FBXO33: variants seen among roughly 807,000 people sequenced by gnomAD.
FBXO33 encodes the protein F-box protein 33.
A neutral mutation model predicts 46.3 loss-of-function variants in FBXO33; 22 were observed. The ratio of observed to expected loss-of-function variants is 0.48; its 90% CI spans 0.34 to 0.68. The LOEUF is 0.68. FBXO33 is among the 30% of genes least tolerant of loss of function. The probability of loss-of-function intolerance (pLI) is 0.01; values close to 1 mark genes in which losing one functional copy is unlikely to be tolerated. For synonymous variants in FBXO33, 337 were observed against 291.3 expected (o/e 1.16, Z -1.60); for missense variants, 692 against 708.8 (o/e 0.98, Z 0.27).
intron 1 of FBXO33, among the ~76,000 whole-genome samples, chr14:39,421,676 G>A (rs1202465252): frequency 6.6e-6 from 1 of 152,008 alleles, no homozygotes; most frequent in East Asian, 1.9e-4. Context: ...GATATGAACA[G>A]AACACTGCTG....
intron 1 of FBXO33, among the ~76,000 whole-genome samples, chr14:39,411,743 G>A (rs1013567321): frequency 4.0e-5 from 6 of 151,716 alleles, no homozygotes; most frequent in African/African-American, 1.2e-4. Context: ...GGATGGTCTC[G>A]ATCTCTTGAC....
chr14:39,402,614 C>T, intron 1 of FBXO33, 103 bp from the exon 2 acceptor site: 1 of 403,234 alleles, frequency 2.5e-6, no homozygotes, highest in Non-Finnish European at 3.9e-6. Flanking sequence ...AGGAAGGTTT[C>T]TATTTTATAA....
At chr14:39,410,023 TTTTC>T (rs1325036481) in intron 1 of FBXO33, among the ~76,000 whole-genome samples, 3 of 152,170 alleles carry the variant, frequency 2.0e-5, no homozygotes, top group African/African-American at 7.2e-5. Context: ...ATGCTTTTAT[TTTTC>T]TTCCCTAATT....
intron 1 of FBXO33, among the ~76,000 whole-genome samples, chr14:39,402,962 T>C (rs17109203): frequency 0.057 from 8,623 of 152,250 alleles, 813 homozygotes; most frequent in African/African-American, 0.2. Context: ...GTATAAAGAT[T>C]GGTTCAGGAA....
intron 1 of FBXO33, among the ~76,000 whole-genome samples, chr14:39,430,099 CATT>C (rs1282161119): frequency 6.6e-6 from 1 of 152,218 alleles, no homozygotes; most frequent in African/African-American, 2.4e-5. Flanking sequence ...ACCTTGGTCT[CATT>C]AGTAAGTGCT....
At chr14:39,417,524 A>C (rs1459401295) in intron 1 of FBXO33, among the ~76,000 whole-genome samples, 2 of 149,018 alleles carry the variant, frequency 1.3e-5, no homozygotes, top group Non-Finnish European at 3.0e-5. Flanking sequence ...GTATTTTAGT[A>C]CAAGTATTGT....
At chr14:39,412,470 A>G (rs1305212790) in intron 1 of FBXO33, among the ~76,000 whole-genome samples, 1 of 152,198 alleles carries the variant, frequency 6.6e-6, no homozygotes, top group East Asian at 1.9e-4. Context: ...CAGGCAGCAC[A>G]TGGTTGGATC....
chr14:39,428,748 TGAC>T (rs1181126282), intron 1 of FBXO33, among the ~76,000 whole-genome samples: 1 of 152,194 alleles, frequency 6.6e-6, no homozygotes, highest in Non-Finnish European at 1.5e-5. Flanking sequence ...GTACCCAACC[TGAC>T]AACTGGATTA....
chr14:39,399,853 T>C, intron 3 of FBXO33, 66 bp from the exon 4 acceptor site: 1 of 1,440,282 alleles, frequency 6.9e-7, no homozygotes, highest in Non-Finnish European at 9.2e-7. Flanking sequence ...GGTAAGTCTG[T>C]CTTTTCCTCA....
intron 1 of FBXO33, among the ~76,000 whole-genome samples, chr14:39,406,103 TTATTC>T (rs2075396563): frequency 6.6e-6 from 1 of 151,982 alleles, no homozygotes; most frequent in Non-Finnish European, 1.5e-5. Flanking sequence ...TATCCTTTCT[TTATTC>T]TAAAGTTGCT....
chr14:39,413,262 AAAACC>A (rs2075431909), intron 1 of FBXO33, among the ~76,000 whole-genome samples: 1 of 152,250 alleles, frequency 6.6e-6, no homozygotes, highest in African/African-American at 2.4e-5. Flanking sequence ...TCTAATCTCA[AAAACC>A]ACTTTGTTCA....
At chr14:39,404,921 G>A (rs1292217615) in intron 1 of FBXO33, among the ~76,000 whole-genome samples, 1 of 151,908 alleles carries the variant, frequency 6.6e-6, no homozygotes, top group African/African-American at 2.4e-5. Flanking sequence ...GGCTGAGGTG[G>A]GTGGATCACG....
Position 39,401,879 on chromosome 14 carries a change from G to A in FBXO33, c.711-18C>T, listed in dbSNP as rs1334730422. ...GCTGAATTCTATAAGGAAAACACAT[G>A]CCACAGTGATCCCATTAACATTTAG... On this transcript the variant is annotated intron_variant, in intron 2 of 3. Coordinates refer to ENST00000298097, the MANE Select transcript of FBXO33 (RefSeq NM_203301.4). 1 of 1,570,992 alleles carries A rather than the reference G, an allele frequency of 6.4e-7. No homozygotes were observed. Among genetic ancestry groups the A allele is most frequent in the African/African-American group, 1.4e-5 (1 of 73,512 alleles).
intron 1 of FBXO33, among the ~76,000 whole-genome samples, chr14:39,403,393 C>T (rs142656743): frequency 7.2e-5 from 11 of 152,158 alleles, no homozygotes; most frequent in East Asian, 1.9e-4. Context: ...GTCGGGAGTT[C>T]GAGACCAGCC....
intron 1 of FBXO33, among the ~76,000 whole-genome samples, chr14:39,414,658 A>C (rs1425685623): frequency 6.6e-6 from 1 of 151,770 alleles, no homozygotes. Context: ...AATAAGCCTA[A>C]TTTTTTCTTT....
Position 39,399,792 on chromosome 14 carries a change from A to AAAAT in FBXO33, c.1397-9_1397-6dup, listed in dbSNP as rs2075360401. The AAAAT allele has an allele frequency of 9.1e-6, 14 of 1,540,696 alleles. No homozygotes were observed. Among genetic ancestry groups the AAAAT allele is most frequent in the East Asian group, 2.3e-5 (1 of 43,956 alleles). Reference sequence around the variant, plus strand: ...TGTGTGCCCACACCGTGTAACCTGAAAAATAAACAAAAGACAACACTGTAA... The same window carrying AAAAT: ...TGTGTGCCCACACCGTGTAACCTGAAAAATAAATAAACAAAAGACAACACTGTAA... On this transcript the variant is annotated splice_polypyrimidine_tract_variant and splice_region_variant and intron_variant, in intron 3 of 3. Coordinates refer to ENST00000298097, the MANE Select transcript of FBXO33 (RefSeq NM_203301.4).
intron 1 of FBXO33, among the ~76,000 whole-genome samples, chr14:39,406,280 TACTC>T (rs1214326903): frequency 3.9e-5 from 6 of 152,204 alleles, no homozygotes; most frequent in Non-Finnish European, 5.9e-5. Flanking sequence ...TTTCTAATAA[TACTC>T]AGAGGGGACA....
chr14:39,423,679 A>ATC (rs1439104035), intron 1 of FBXO33, among the ~76,000 whole-genome samples: 2 of 152,224 alleles, frequency 1.3e-5, no homozygotes, highest in African/African-American at 4.8e-5. Context: ...TGCTTATATG[A>ATC]AGTCCAAAAA....
chr14:39,401,341 C>T lies in FBXO33; in HGVS notation c.1231G>A (p.Val411Ile). ...SYITCVSGAI[V>I]DLISRQYDKF... ...TCATATTGCCTGGATATAAGATCAACAATAGCCCCTGAAACACAAGTGATA... is the reference window on the plus strand; with the variant it reads ...TCATATTGCCTGGATATAAGATCAATAATAGCCCCTGAAACACAAGTGATA... Residue 411 changes from valine to isoleucine, a missense_variant, in exon 3 of 4, where the codon GTT becomes ATT. Coordinates refer to ENST00000298097, the MANE Select transcript of FBXO33 (RefSeq NM_203301.4). The T allele has an allele frequency of 6.2e-7, 1 of 1,614,112 alleles. No individual in the cohort carries two copies. Among genetic ancestry groups the T allele is most frequent in the Non-Finnish European group, 8.5e-7 (1 of 1,180,002 alleles).
Sources: gnomAD v4.1 joint callset for allele counts (sites outside exome capture counted in the v4.1 genomes callset) on GRCh38, gnomAD v4.1.1 for gene constraint, MANE v1.5 for transcripts, NCBI Gene and HGNC (gene_info 2026-07-23, HGNC 2026-07-21) for gene names.